The following PDE1A variants were observed in gnomAD, a reference collection of about 807,000 sequenced individuals.
The protein encoded by PDE1A is phosphodiesterase 1A.
Under a neutral mutation model 61.7 loss-of-function variants are expected in PDE1A, and 35 were observed. That is an observed-to-expected ratio of 0.57 (90% CI 0.43 to 0.75). PDE1A has a LOEUF of 0.75. Among genes scored for constraint, PDE1A ranks in the 30% least tolerant of loss-of-function variants. The pLI, the probability that PDE1A is intolerant of heterozygous loss-of-function variation, is 0.00. For missense variants in PDE1A, 597 were observed against 630.6 expected (o/e 0.95, Z 0.57); for synonymous variants, 232 against 213.2 (o/e 1.09, Z -0.77).
intron 4 of PDE1A, among the ~76,000 whole-genome samples, chr2:182,233,986 T>C (rs1689798001): frequency 6.6e-6 from 1 of 152,218 alleles, no homozygotes; most frequent in African/African-American, 2.4e-5. Flanking sequence ...ACATTTTGTA[T>C]TTTTTCAGAC....
At chr2:182,460,952 G>C (rs1686242765) in intron 2 of PDE1A, among the ~76,000 whole-genome samples, 3 of 152,116 alleles carry the variant, frequency 2.0e-5, no homozygotes, top group South Asian at 4.1e-4. Context: ...AAAACAAAAG[G>C]TGGAGGGCTA....
At chr2:182,417,790 C>A (rs564834272) in intron 1 of PDE1A, among the ~76,000 whole-genome samples, 1 of 152,074 alleles carries the variant, frequency 6.6e-6, no homozygotes, top group African/African-American at 2.4e-5. Context: ...TACATCAAAC[C>A]TTTCTACCCC....
intron 1 of PDE1A, among the ~76,000 whole-genome samples, chr2:182,375,849 C>T (rs1266493570): frequency 6.6e-6 from 1 of 152,246 alleles, no homozygotes; most frequent in African/African-American, 2.4e-5. Flanking sequence ...AACCCCAATT[C>T]TTCACTTCTG....
chr2:182,454,233 G>C (rs1373741105), intron 2 of PDE1A, among the ~76,000 whole-genome samples: 4 of 152,100 alleles, frequency 2.6e-5, no homozygotes, highest in Non-Finnish European at 4.4e-5. Flanking sequence ...ACCTCTTCAA[G>C]GAGAACTACA....
intron 7 of PDE1A, among the ~76,000 whole-genome samples, chr2:182,208,759 G>GTCTT (rs2125516417): frequency 6.6e-6 from 1 of 152,290 alleles, no homozygotes; most frequent in Admixed American, 6.5e-5. Context: ...ATTATTTGGG[G>GTCTT]TCTTTAAGAT....
At chr2:182,456,166 T>C (rs900557371) in intron 2 of PDE1A, among the ~76,000 whole-genome samples, 2 of 152,176 alleles carry the variant, frequency 1.3e-5, no homozygotes, top group Middle Eastern at 3.4e-3. Flanking sequence ...CATATTATAC[T>C]AGTTCTTTCA....
the PDE1A span, among the ~76,000 whole-genome samples, chr2:182,576,818 G>A: frequency 6.6e-6 from 1 of 152,058 alleles, no homozygotes; most frequent in African/African-American, 2.4e-5. Flanking sequence ...GGTATCAGTG[G>A]TTTTTATGAC....
At chr2:182,425,909 T>G (rs1205382766) in intron 1 of PDE1A, among the ~76,000 whole-genome samples, 1 of 152,222 alleles carries the variant, frequency 6.6e-6, no homozygotes. Context: ...AAGTACATAA[T>G]AGGTAACTAA....
At chr2:182,374,154 A>AT (rs564293844) in intron 1 of PDE1A, among the ~76,000 whole-genome samples, 1 of 152,118 alleles carries the variant, frequency 6.6e-6, no homozygotes, top group African/African-American at 2.4e-5. Context: ...TATACTTATT[A>AT]TTTTTTCATA....
chr2:182,367,331 A>C (rs1699890041), intron 1 of PDE1A, among the ~76,000 whole-genome samples: 1 of 152,040 alleles, frequency 6.6e-6, no homozygotes, highest in Non-Finnish European at 1.5e-5. Flanking sequence ...TAATTTGTTC[A>C]TTTGTTTACA....
chr2:182,410,869 A>G (rs888837693), intron 1 of PDE1A, among the ~76,000 whole-genome samples: 22 of 152,164 alleles, frequency 1.4e-4, no homozygotes, highest in African/African-American at 5.3e-4. Context: ...CCATTTACAC[A>G]GTGTCTCCTC....
the PDE1A span, among the ~76,000 whole-genome samples, chr2:182,684,661 T>C: frequency 6.6e-6 from 1 of 152,162 alleles, no homozygotes; most frequent in Non-Finnish European, 1.5e-5. Context: ...AGTGATTCTC[T>C]TGCCTCAGCC....
intron 1 of PDE1A, among the ~76,000 whole-genome samples, chr2:182,325,850 CAG>C (rs1332200738): frequency 6.6e-6 from 1 of 152,114 alleles, no homozygotes; most frequent in Non-Finnish European, 1.5e-5. Flanking sequence ...ACCCAGGAGG[CAG>C]AGATTGCAGT....
chr2:182,326,826 G>A (rs1284801423), intron 1 of PDE1A, among the ~76,000 whole-genome samples: 4 of 152,138 alleles, frequency 2.6e-5, no homozygotes, highest in African/African-American at 9.7e-5. Context: ...TAGGATCAGA[G>A]ACTGGAGGGA....
At chr2:182,621,585 AT>A in the PDE1A span, among the ~76,000 whole-genome samples, 83,983 of 150,308 alleles carry the variant, frequency 0.56, 23,679 homozygotes, top group Admixed American at 0.67. Flanking sequence ...TTAAAAAAAA[AT>A]TTTTTTTTTT....
At chr2:182,673,994 A>ATATATATATG in the PDE1A span, among the ~76,000 whole-genome samples, 3 of 24,288 alleles carry the variant, frequency 1.2e-4, no homozygotes, top group African/African-American at 2.4e-4. Context: ...AACTTCATAT[A>ATATATATATG]TATATATATA....
At chr2:182,171,593 A>C (rs907174898) in intron 13 of PDE1A, among the ~76,000 whole-genome samples, 7 of 151,790 alleles carry the variant, frequency 4.6e-5, no homozygotes, top group African/African-American at 1.2e-4. Flanking sequence ...TCTGTTCTTC[A>C]AGGTGTAAGG....
At chr2:182,611,290 G>A in the PDE1A span, among the ~76,000 whole-genome samples, 16 of 152,226 alleles carry the variant, frequency 1.1e-4, no homozygotes, top group African/African-American at 2.6e-4. Flanking sequence ...CTTGAGGAGC[G>A]CAGGAAAAAC....
intron 2 of PDE1A, among the ~76,000 whole-genome samples, chr2:182,468,372 C>T (rs1318652126): frequency 6.6e-6 from 1 of 151,900 alleles, no homozygotes; most frequent in Non-Finnish European, 1.5e-5. Context: ...AAGTAGATTC[C>T]ATCTCAATAA....
Sources: gnomAD v4.1 joint callset for allele counts (sites outside exome capture counted in the v4.1 genomes callset) on GRCh38, gnomAD v4.1.1 for gene constraint, MANE v1.5 for transcripts, NCBI Gene and HGNC (gene_info 2026-07-23, HGNC 2026-07-21) for gene names.